Variants in NRG3 observed in about 807,000 individuals in gnomAD.
NRG3 encodes the protein neuregulin 3.
Under a neutral mutation model 66.9 loss-of-function variants are expected in NRG3, and 31 were observed. That is an observed-to-expected ratio of 0.46 (90% confidence interval 0.35 to 0.63). The LOEUF (loss-of-function observed/expected upper bound fraction) is 0.63. Among genes scored for constraint, NRG3 ranks in the 20% least tolerant of loss-of-function variants. The pLI is 0.00. For synonymous variants in NRG3, 393 were observed against 359.4 expected (o/e 1.09, Z -1.06); for missense variants, 910 against 878.9 (o/e 1.04, Z -0.45).
chr10:82,781,750 G>C (rs1259300458), intron 3 of NRG3, among the ~76,000 whole-genome samples: 3 of 152,106 alleles, frequency 2.0e-5, no homozygotes, highest in East Asian at 1.9e-4. Context: ...TATGTGGTGG[G>C]GTCAGGGAAG....
At chr10:82,193,914 G>T (rs549489341) in intron 1 of NRG3, among the ~76,000 whole-genome samples, 1 of 152,108 alleles carries the variant, frequency 6.6e-6, no homozygotes, top group Non-Finnish European at 1.5e-5. Flanking sequence ...TAAACATCAG[G>T]AACAGAAAAC....
intron 1 of NRG3, among the ~76,000 whole-genome samples, chr10:82,087,144 T>A (rs1041750592): frequency 3.3e-5 from 5 of 152,300 alleles, no homozygotes; most frequent in African/African-American, 1.2e-4. Context: ...ATAGACTTAA[T>A]CTTTAAGGCA....
At chr10:81,900,767 A>C (rs1843989907) in intron 1 of NRG3, among the ~76,000 whole-genome samples, 1 of 152,228 alleles carries the variant, frequency 6.6e-6, no homozygotes, top group African/African-American at 2.4e-5. Context: ...ATAATTGGAG[A>C]AAGTGCTGTG....
At chr10:82,071,763 G>A (rs12219548) in intron 1 of NRG3, among the ~76,000 whole-genome samples, 8,370 of 152,154 alleles carry the variant, frequency 0.055, 332 homozygotes, top group East Asian at 0.18. Context: ...CTGAAGGGAC[G>A]CTGTGGAGCC....
intron 1 of NRG3, among the ~76,000 whole-genome samples, chr10:82,182,879 G>A (rs1242616765): frequency 2.0e-5 from 3 of 151,836 alleles, no homozygotes; most frequent in Non-Finnish European, 4.4e-5. Context: ...ATTTTTTAAG[G>A]AGAGTTTTGC....
intron 2 of NRG3, among the ~76,000 whole-genome samples, chr10:82,448,857 A>G (rs2090879318): frequency 6.6e-6 from 1 of 152,172 alleles, no homozygotes; most frequent in Non-Finnish European, 1.5e-5. Flanking sequence ...TATTTGTATA[A>G]CATTGACTAT....
intron 2 of NRG3, among the ~76,000 whole-genome samples, chr10:82,386,113 C>A (rs1281676691): frequency 6.6e-6 from 1 of 152,026 alleles, no homozygotes; most frequent in Non-Finnish European, 1.5e-5. Context: ...TACTTTTATT[C>A]CTCATTATTC....
At chr10:82,103,752 G>A (rs1203834714) in intron 1 of NRG3, among the ~76,000 whole-genome samples, 2 of 152,042 alleles carry the variant, frequency 1.3e-5, no homozygotes, top group Non-Finnish European at 2.9e-5. Context: ...CTCCAGTTCT[G>A]AGGCCAGAGA....
chr10:82,460,561 G>A lies in NRG3; in HGVS notation c.953+101693G>A, dbSNP rs142986288. 3.8e-3 allele frequency among the ~76,000 whole-genome samples: 584 copies of A among 152,060 alleles called. 1 individual carries two copies. Among genetic ancestry groups the A allele is most frequent in the African/African-American group, 0.013 (550 of 41,430 alleles). On this transcript the variant is annotated intron_variant, in intron 2 of 8. Transcript: ENST00000372141. ...TTTCATGCAACTCTCTATTCATTTC[G>A]GTGCAGGAAAAAACTGAGATGAGAA...
At chr10:82,006,635 C>G (rs1480841174) in intron 1 of NRG3, among the ~76,000 whole-genome samples, 1 of 151,980 alleles carries the variant, frequency 6.6e-6, no homozygotes, top group Non-Finnish European at 1.5e-5. Context: ...AAGGAGTTAT[C>G]TGATTTTTTT....
chr10:82,170,440 C>T (rs1430101330), intron 1 of NRG3, among the ~76,000 whole-genome samples: 1 of 151,648 alleles, frequency 6.6e-6, no homozygotes, highest in Non-Finnish European at 1.5e-5. Context: ...TCTGTATTCC[C>T]TTGAACTTAA....
intron 1 of NRG3, among the ~76,000 whole-genome samples, chr10:82,354,242 T>C (rs1160465419): frequency 6.6e-6 from 1 of 151,538 alleles, no homozygotes; most frequent in Non-Finnish European, 1.5e-5. Context: ...GGTCTCCCTA[T>C]GTTGTCGAGG....
intron 1 of NRG3, among the ~76,000 whole-genome samples, chr10:82,080,492 C>G (rs775643222): frequency 2.6e-5 from 4 of 152,084 alleles, no homozygotes; most frequent in African/African-American, 7.2e-5. Flanking sequence ...GTGGCAGAGC[C>G]AAGACCCTTC....
chr10:82,358,753 T>C lies in NRG3; in HGVS notation c.838T>C (p.Ser280Pro). ...TTCCCTGACAGATACGACGACATATTCCACAGAGCGATCCGAGCACTTCAA... is the reference window on the plus strand; with the variant it reads ...TTCCCTGACAGATACGACGACATATCCCACAGAGCGATCCGAGCACTTCAA... Reference protein sequence around the residue: ...TSPKFHTTTYSTERSEHFKPC... With the variant: ...TSPKFHTTTYPTERSEHFKPC... Residue 280 changes from serine to proline, a missense_variant, in exon 2 of 9, where the codon TCC (serine) becomes CCC (proline). Physicochemically the swap from Ser to Pro is moderately conservative, Grantham distance 74. Coordinates refer to ENST00000372141, the MANE Select transcript of NRG3 (RefSeq NM_001010848.4). The C allele has an allele frequency of 6.2e-7, 1 of 1,614,072 alleles. No individual in the cohort carries two copies. The highest frequency in any genetic ancestry group is 2.2e-5 in the East Asian group (1 of 44,864).
chr10:81,980,505 G>T (rs1044646979), intron 1 of NRG3, among the ~76,000 whole-genome samples: 1 of 152,112 alleles, frequency 6.6e-6, no homozygotes, highest in African/African-American at 2.4e-5. Context: ...ACTTTGAGAT[G>T]CTATATTTTA....
intron 1 of NRG3, among the ~76,000 whole-genome samples, chr10:82,055,106 A>G (rs2133174940): frequency 6.6e-6 from 1 of 152,180 alleles, no homozygotes; most frequent in East Asian, 1.9e-4. Flanking sequence ...AAAAGGAAGG[A>G]AAAAAGAGCC....
rs558859724 is a variant in NRG3, at chr10:82,637,268, A to G, written c.954-101309A>G. Among the ~76,000 whole-genome samples, 15 of 152,290 alleles carry G rather than the reference A, an allele frequency of 9.8e-5. No individual in the cohort carries two copies. In the East Asian group the frequency reaches 1.3e-3, roughly 14 times the overall value. On this transcript the variant is annotated intron_variant, in intron 2 of 8. Coordinates refer to ENST00000372141, the MANE Select transcript of NRG3 (RefSeq NM_001010848.4). ...CTCCTACTGGCCAAATTTGGGATGAATTGAGAATTATAATAAATAATGTTA... is the reference window on the plus strand; with the variant it reads ...CTCCTACTGGCCAAATTTGGGATGAGTTGAGAATTATAATAAATAATGTTA...
chr10:81,998,037 A>G (rs1193732780), intron 1 of NRG3, among the ~76,000 whole-genome samples: 4 of 151,974 alleles, frequency 2.6e-5, no homozygotes, highest in Non-Finnish European at 2.9e-5. Flanking sequence ...CTCTACTTCA[A>G]CTGTCTTCTA....
chr10:82,342,228 C>T (rs1437825452), intron 1 of NRG3, among the ~76,000 whole-genome samples: 3 of 151,770 alleles, frequency 2.0e-5, no homozygotes, highest in Non-Finnish European at 4.4e-5. Flanking sequence ...CAAAAATATG[C>T]AAGTACAGAT....
Sources: gnomAD v4.1 joint callset for allele counts (sites outside exome capture counted in the v4.1 genomes callset) on GRCh38, gnomAD v4.1.1 for gene constraint, MANE v1.5 for transcripts, NCBI Gene and HGNC (gene_info 2026-07-23, HGNC 2026-07-21) for gene names.